The following EML1 variants were observed in gnomAD, a reference collection of about 807,000 sequenced individuals.
The protein encoded by EML1 is echinoderm microtubule-associated protein-like 1.
EML1 carries 27 observed loss-of-function variants against 110.4 expected under a neutral mutation model. That is an observed-to-expected ratio of 0.24 (90% CI 0.18 to 0.34). EML1 has a LOEUF of 0.34. Ranked by LOEUF, EML1 falls within the 10% of genes least tolerant of loss-of-function variation. The pLI, the probability that EML1 is intolerant of heterozygous loss-of-function variation, is 1.00. For missense variants in EML1, 741 were observed against 1,030.9 expected (o/e 0.72, Z 3.85); for synonymous variants, 344 against 385.8 (o/e 0.89, Z 1.27).
At chr14:99,927,749 G>A (rs56288902) in intron 17 of EML1, among the ~76,000 whole-genome samples, 46,249 of 118,716 alleles carry the variant, frequency 0.39, 9,584 homozygotes, top group African/African-American at 0.58. Context: ...AACAGTCACC[G>A]ATCAGTGGTG....
At chr14:99,896,111 T>G (rs991768515) in intron 6 of EML1, among the ~76,000 whole-genome samples, 4 of 152,240 alleles carry the variant, frequency 2.6e-5, no homozygotes, top group African/African-American at 9.6e-5. Flanking sequence ...TCTTATTACT[T>G]TAGAGGAATC....
chr14:99,925,728 C>G (rs1402138579), intron 17 of EML1, among the ~76,000 whole-genome samples: 2 of 152,220 alleles, frequency 1.3e-5, no homozygotes, highest in Non-Finnish European at 2.9e-5. Context: ...CCTTTTACAT[C>G]TCCTCTATGC....
chr14:99,809,608 C>A, intron 1 of EML1: 1 of 455,990 alleles, frequency 2.2e-6, no homozygotes. Flanking sequence ...TGAGATTTAA[C>A]AGCCCTTGAG....
intron 17 of EML1, among the ~76,000 whole-genome samples, chr14:99,928,209 ATGGTGATGGTGGTGG>A (rs2060299632): frequency 4.0e-3 from 5 of 1,264 alleles, no homozygotes; most frequent in Non-Finnish European, 6.2e-3. Flanking sequence ...GGTGGTGGTG[ATGGTGATGGTGGTGG>A]TGGTGGTGGT....
intron 17 of EML1, among the ~76,000 whole-genome samples, chr14:99,926,890 T>G (rs1191415627): frequency 6.6e-6 from 1 of 152,070 alleles, no homozygotes; most frequent in African/African-American, 2.4e-5. Context: ...ACTACAGGCA[T>G]GCACCACCAT....
At chr14:99,794,320 C>T (rs1595289034) in intron 1 of EML1, among the ~76,000 whole-genome samples, 1 of 150,734 alleles carries the variant, frequency 6.6e-6, no homozygotes, top group African/African-American at 2.4e-5. Flanking sequence ...TGATAATTCA[C>T]GCACAAAAGT....
chr14:99,784,873 C>T lies in EML1; in HGVS notation c.-27+10860C>T, dbSNP rs143596480. On this transcript the variant is annotated intron_variant, in intron 1 of 22. Coordinates refer to the EML1 transcript ENST00000327921. The surrounding 1 kb of genome is among the most constrained non-coding windows in gnomAD (Gnocchi z 4.5). ...CACAGACTGAGTGGAAAGACATTTCCAACAGCAGGAATCTCACAACCAAAG... is the reference window on the plus strand; with the variant it reads ...CACAGACTGAGTGGAAAGACATTTCTAACAGCAGGAATCTCACAACCAAAG... Among the ~76,000 whole-genome samples the T allele has an allele frequency of 2.8e-4, 42 of 152,310 alleles. No individual in the cohort carries two copies. Among genetic ancestry groups the T allele is most frequent in the African/African-American group, 8.9e-4 (37 of 41,558 alleles).
chr14:99,763,405 T>C (rs1025412031), intron 1 of EML1, among the ~76,000 whole-genome samples: 2 of 152,150 alleles, frequency 1.3e-5, no homozygotes, highest in African/African-American at 2.4e-5. Flanking sequence ...TATACGTGGA[T>C]TTATTGCAAG....
intron 4 of EML1, among the ~76,000 whole-genome samples, chr14:99,884,834 A>G (rs1382549954): frequency 6.6e-6 from 1 of 152,154 alleles, no homozygotes; most frequent in Non-Finnish European, 1.5e-5. Context: ...TGACAGGTGG[A>G]TGTATCTGGA....
chr14:99,935,985 G>T, intron 17 of EML1, 44 bp from the exon 18 acceptor site: 1 of 1,562,404 alleles, frequency 6.4e-7, no homozygotes, highest in Non-Finnish European at 8.8e-7. Flanking sequence ...CGAACAAAAT[G>T]TGTATTGTTA....
intron 1 of EML1, among the ~76,000 whole-genome samples, chr14:99,837,703 C>G (rs1189517998): frequency 1.3e-5 from 2 of 152,236 alleles, no homozygotes; most frequent in Non-Finnish European, 2.9e-5. Context: ...AACAGTACCA[C>G]CAGCCTGTTT....
At chr14:99,852,011 A>C (rs1355164930) in intron 2 of EML1, among the ~76,000 whole-genome samples, 1 of 152,176 alleles carries the variant, frequency 6.6e-6, no homozygotes. Flanking sequence ...TTAAGTCATC[A>C]TTTCATGTCC....
At chr14:99,786,312 GAGA>G (rs1175679095) in intron 1 of EML1, among the ~76,000 whole-genome samples, 1 of 152,210 alleles carries the variant, frequency 6.6e-6, no homozygotes, top group African/African-American at 2.4e-5. Flanking sequence ...TGTTACCCTG[GAGA>G]AGATGTGTGT....
Position 99,812,995 on chromosome 14 carries a change from G to A in EML1, c.67+19452G>A, listed in dbSNP as rs915968494. On this transcript the variant is annotated intron_variant, in intron 1 of 21. Coordinates refer to ENST00000262233, the MANE Select transcript of EML1 (RefSeq NM_004434.3). ...CTGTAAAAAATCTGTTCCACACTGCGTAACCTCCACATCCTTCTCCTAAGG... is the reference window on the plus strand; with the variant it reads ...CTGTAAAAAATCTGTTCCACACTGCATAACCTCCACATCCTTCTCCTAAGG... Among the ~76,000 whole-genome samples the A allele has an allele frequency of 8.5e-5, 13 of 152,240 alleles. No homozygotes were observed. In the Middle Eastern group the frequency reaches 0.01, roughly 119 times the overall value.
Position 99,937,817 on chromosome 14 carries a change from G to T in EML1, c.2096G>T (p.Trp699Leu). Residue 699 changes from tryptophan (W) to leucine (L), a missense_variant and splice_region_variant, in exon 20 of 22, where the codon TGG becomes TTG. By Grantham distance (61) the Trp-to-Leu change is moderately conservative (BLOSUM62 -2). Transcript: ENST00000262233. ...TTGCCAGACTGTTTGCTTTTTGCAG[G>T]GGTTCCCTCTGCCTGTAAGCAAGTC... ...SNSGDYEILY[W>L]VPSACKQVVS... 1.2e-6 allele frequency: 2 copies of T among 1,613,850 alleles called. No homozygotes were observed. The highest frequency in any genetic ancestry group is 2.2e-5 in the South Asian group (2 of 91,034).
chr14:99,766,441 A>ACCT (rs1239967415), intron 1 of EML1, among the ~76,000 whole-genome samples: 6 of 151,600 alleles, frequency 4.0e-5, no homozygotes, highest in Non-Finnish European at 8.8e-5. Context: ...GGATCCACCC[A>ACCT]CCTCTGCCTC....
chr14:99,907,820 TCATTCCC>T, intron 10 of EML1, 87 bp downstream of exon 10: 2 of 1,258,452 alleles, frequency 1.6e-6, no homozygotes, highest in Non-Finnish European at 2.3e-6. Flanking sequence ...TTCAGCGGGC[TCATTCCC>T]ACCCCAGCCC....
chr14:99,747,299 C>T (rs1240125137), intron 1 of EML1, among the ~76,000 whole-genome samples: 4 of 152,150 alleles, frequency 2.6e-5, no homozygotes, highest in South Asian at 4.2e-4. Context: ...GAGGGCACTG[C>T]GCATTCTTCC....
At chr14:99,928,355 G>A (rs897409712) in intron 17 of EML1, among the ~76,000 whole-genome samples, 6 of 151,778 alleles carry the variant, frequency 4.0e-5, no homozygotes, top group Admixed American at 2.6e-4. Flanking sequence ...TCCTTTTGAC[G>A]TGACCTCAGG....
Sources: allele counts gnomAD v4.1 joint callset (sites outside exome capture counted in the v4.1 genomes callset), GRCh38; gene constraint gnomAD v4.1.1; non-coding constraint Gnocchi (gnomAD v3.1); transcripts MANE v1.5; gene names NCBI Gene and HGNC (gene_info 2026-07-23, HGNC 2026-07-21).